The following HACD2 variants were observed in gnomAD, a reference collection of about 807,000 sequenced individuals.
HACD2 encodes the protein 3-hydroxyacyl-CoA dehydratase 2, also known as very-long-chain (3R)-3-hydroxyacyl-CoA dehydratase 2.
HACD2 carries 15 observed loss-of-function variants against 31.0 expected under a neutral mutation model. That is an observed-to-expected ratio of 0.48 (90% CI 0.32 to 0.75). HACD2 has a LOEUF of 0.75. Among genes scored for constraint, HACD2 ranks in the 30% least tolerant of loss-of-function variants. HACD2 has a pLI of 0.03. For missense variants in HACD2, 283 were observed against 313.0 expected (o/e 0.90, Z 0.72); for synonymous variants, 115 against 122.2 (o/e 0.94, Z 0.39).
chr3:123,566,918 G>A (rs1010448284), intron 3 of HACD2, among the ~76,000 whole-genome samples: 1 of 152,120 alleles, frequency 6.6e-6, no homozygotes, highest in African/African-American at 2.4e-5. Flanking sequence ...ACAGTCTGGT[G>A]TTCTCTACCT....
At chr3:123,515,319 T>C (rs911824793) in intron 4 of HACD2, among the ~76,000 whole-genome samples, 7 of 152,210 alleles carry the variant, frequency 4.6e-5, no homozygotes, top group African/African-American at 1.7e-4. Flanking sequence ...CTGGAAGCCC[T>C]GTGAGGGCAA....
At chr3:123,553,122 C>T (rs1056396735) in intron 3 of HACD2, among the ~76,000 whole-genome samples, 1 of 152,176 alleles carries the variant, frequency 6.6e-6, no homozygotes, top group Non-Finnish European at 1.5e-5. Context: ...TATTGGGTAT[C>T]TGGGAAAATC....
intron 4 of HACD2, among the ~76,000 whole-genome samples, chr3:123,504,626 A>C (rs2055949935): frequency 6.6e-6 from 1 of 152,192 alleles, no homozygotes; most frequent in East Asian, 1.9e-4. Context: ...TCCGTCCCCA[A>C]GTTAGACCTC....
intron 3 of HACD2, among the ~76,000 whole-genome samples, chr3:123,566,593 A>G (rs1004745826): frequency 6.9e-6 from 1 of 144,496 alleles, no homozygotes; most frequent in Non-Finnish European, 1.5e-5. Context: ...CCAAGGTGCA[A>G]TTCTTTATAA....
At chr3:123,578,589 T>C (rs820443) in intron 2 of HACD2, among the ~76,000 whole-genome samples, 57,076 of 152,144 alleles carry the variant, frequency 0.38, 15,957 homozygotes, top group African/African-American at 0.76. Context: ...TTTTGTACCT[T>C]GCTACTACAT....
At chr3:123,546,315 T>C (rs1044400952) in intron 3 of HACD2, among the ~76,000 whole-genome samples, 3 of 152,150 alleles carry the variant, frequency 2.0e-5, no homozygotes, top group African/African-American at 7.2e-5. Context: ...TGAGCAACCA[T>C]CCAAACCCTT....
chr3:123,538,815 T>C (rs943082372), intron 3 of HACD2, among the ~76,000 whole-genome samples: 1 of 152,214 alleles, frequency 6.6e-6, no homozygotes, highest in Admixed American at 6.5e-5. Flanking sequence ...TACTGTTCTT[T>C]ATACTATCTT....
At chr3:123,554,817 G>A (rs535059950) in intron 3 of HACD2, among the ~76,000 whole-genome samples, 13 of 150,324 alleles carry the variant, frequency 8.6e-5, no homozygotes, top group East Asian at 7.7e-4. Context: ...TTTTGATTCC[G>A]ATAAAGTAAG....
At position 123,494,357 on chromosome 3, in the gene HACD2, T is replaced by C. The variant is rs1559894086; in HGVS notation, c.*531A>G. ...CATTTTATAATTCATTCATTAGATG[T>C]GAGGGGATAGGTCCCAGCCATAACT... On this transcript the variant is annotated 3_prime_UTR_variant, in exon 7 of 7. Coordinates refer to ENST00000383657, the MANE Select transcript of HACD2 (RefSeq NM_198402.5). 2 of 156,674 alleles carry C rather than the reference T, an allele frequency of 1.3e-5. No homozygotes were observed. The highest frequency in any genetic ancestry group is 2.8e-5 in the Non-Finnish European group (2 of 71,650). 9.7% of individuals were successfully genotyped at this position (156,674 alleles called of 1,614,324 possible). A position where few individuals can be genotyped will look rare whatever the true frequency, so the allele number is the denominator to read the frequency against.
intron 4 of HACD2, among the ~76,000 whole-genome samples, chr3:123,522,662 C>CTTTT (rs4048459): frequency 6.8e-6 from 1 of 146,240 alleles, no homozygotes; most frequent in East Asian, 2.0e-4. Context: ...AATAAGGAGA[C>CTTTT]TTTTTTTTTT....
intron 3 of HACD2, among the ~76,000 whole-genome samples, chr3:123,547,114 A>G (rs2056568609): frequency 6.6e-6 from 1 of 152,242 alleles, no homozygotes; most frequent in Admixed American, 6.5e-5. Context: ...AAGATCTACC[A>G]GATATAAATG....
chr3:123,510,051 A>T (rs1485292839), intron 4 of HACD2, among the ~76,000 whole-genome samples: 1 of 152,190 alleles, frequency 6.6e-6, no homozygotes, highest in Non-Finnish European at 1.5e-5. Context: ...CGTTGGAATT[A>T]AGTACATTCA....
intron 3 of HACD2, among the ~76,000 whole-genome samples, chr3:123,567,132 T>G (rs2056800807): frequency 6.6e-6 from 1 of 152,070 alleles, no homozygotes; most frequent in Admixed American, 6.6e-5. Flanking sequence ...CTCTATAGGG[T>G]CTATCAACTT....
At chr3:123,537,096 A>G (rs966362099) in intron 3 of HACD2, among the ~76,000 whole-genome samples, 6 of 152,372 alleles carry the variant, frequency 3.9e-5, no homozygotes, top group African/African-American at 1.4e-4. Flanking sequence ...TATATTATAA[A>G]TGCTATGAAC....
rs1371424289 is a variant in HACD2, at chr3:123,492,424, A to G, written c.*2464T>C. 1 of 152,230 alleles carries G rather than the reference A, an allele frequency of 6.6e-6. No individual in the cohort carries two copies. The highest frequency in any genetic ancestry group is 1.5e-5 in the Non-Finnish European group (1 of 68,046). The allele number at this position is 152,230 out of a possible 1,614,324, so 9.4% of individuals were successfully genotyped here. A position where few individuals can be genotyped will look rare whatever the true frequency, so the allele number is the denominator to read the frequency against. On this transcript the variant is annotated 3_prime_UTR_variant, in exon 7 of 7. Coordinates refer to ENST00000383657, the MANE Select transcript of HACD2 (RefSeq NM_198402.5). ...GGTGGTGTGGTTGTTCTCAATTTAT[A>G]AAATAATAAATGACTTCAAAGGAGA...
chr3:123,499,901 T>C (rs1019413742), intron 6 of HACD2, among the ~76,000 whole-genome samples: 3 of 152,236 alleles, frequency 2.0e-5, no homozygotes, highest in Non-Finnish European at 2.9e-5. Flanking sequence ...TGTCACTGAA[T>C]ACACTGATAG....
At chr3:123,540,524 G>C (rs1416100907) in intron 3 of HACD2, among the ~76,000 whole-genome samples, 1 of 152,154 alleles carries the variant, frequency 6.6e-6, no homozygotes, top group African/African-American at 2.4e-5. Context: ...TTTTGAAAAA[G>C]ATGAAAATGT....
chr3:123,561,862 A>C (rs1009284596), intron 3 of HACD2, among the ~76,000 whole-genome samples: 6 of 151,730 alleles, frequency 4.0e-5, no homozygotes, highest in Non-Finnish European at 8.8e-5. Context: ...CCCAGGCTGG[A>C]GTGCAGAGGC....
At chr3:123,529,914 T>TA (rs953024009) in intron 3 of HACD2, among the ~76,000 whole-genome samples, 7 of 148,468 alleles carry the variant, frequency 4.7e-5, no homozygotes, top group East Asian at 2.0e-4. Flanking sequence ...GAAACCAATT[T>TA]AAAAAAAAAA....
Sources: gnomAD v4.1 joint callset for allele counts (sites outside exome capture counted in the v4.1 genomes callset) on GRCh38, gnomAD v4.1.1 for gene constraint, MANE v1.5 for transcripts, NCBI Gene and HGNC (gene_info 2026-07-23, HGNC 2026-07-21) for gene names.